PRKN: variants seen among roughly 807,000 people sequenced by gnomAD.
The protein encoded by PRKN is parkin RBR E3 ubiquitin protein ligase, also known as E3 ubiquitin-protein ligase parkin.
A neutral mutation model predicts 59.5 loss-of-function variants in PRKN; 56 were observed. The observed-to-expected ratio is 0.94, with a 90% CI of 0.76 to 1.18. PRKN has a LOEUF of 1.18. Among genes scored for constraint, PRKN ranks in the 50% most tolerant of loss-of-function variants. The pLI is 0.00. For missense variants in PRKN, 657 were observed against 596.4 expected (o/e 1.10, Z -1.06); for synonymous variants, 250 against 222.1 (o/e 1.13, Z -1.12).
intron 1 of PRKN, among the ~76,000 whole-genome samples, chr6:162,521,135 G>GTCATTTCAA (rs1453164194): frequency 6.6e-6 from 1 of 152,046 alleles, no homozygotes; most frequent in Non-Finnish European, 1.5e-5. Context: ...CATTCTCACT[G>GTCATTTCAA]TCATTTCAAT....
rs1305470287 is a variant in PRKN at position 162,300,579 on chromosome 6, T to C, written c.172-37814A>G. On this transcript the variant is annotated intron_variant, in intron 2 of 11. Coordinates refer to ENST00000366898, the MANE Select transcript of PRKN (RefSeq NM_004562.3). The stretch of plus-strand genomic sequence containing the variant: ...ATACTTTTCAAGTTTTCCACATGCA[T>C]CTTTAATAGAGGAGGCCTGGAACCA... 1.3e-5 allele frequency among the ~76,000 whole-genome samples: 2 copies of C among 152,110 alleles called. 1 individual carries two copies. Among genetic ancestry groups the C allele is most frequent in the Non-Finnish European group, 2.9e-5 (2 of 68,030 alleles).
chr6:162,168,694 G>A (rs749562324), intron 4 of PRKN, among the ~76,000 whole-genome samples: 17 of 151,342 alleles, frequency 1.1e-4, no homozygotes, highest in Admixed American at 2.0e-4. Flanking sequence ...AGCATCTCCC[G>A]AGATACTCCA....
rs181109779 is a variant in PRKN at position 162,266,874 on chromosome 6, T to C, written c.172-4109A>G. 4.5e-3 allele frequency among the ~76,000 whole-genome samples: 684 copies of C among 152,316 alleles called. 6 individuals are homozygous for C. Among genetic ancestry groups the C allele is most frequent in the African/African-American group, 0.016 (662 of 41,566 alleles). On this transcript the variant is annotated intron_variant, in intron 2 of 11. Coordinates refer to ENST00000366898, the MANE Select transcript of PRKN (RefSeq NM_004562.3). ...ATGAATAAGGTGTCAGAATTCTGTT[T>C]AGCTGCACACTTCTGTTTGGAAAAT...
At chr6:161,961,190 C>CAA (rs1260984628) in intron 6 of PRKN, among the ~76,000 whole-genome samples, 1 of 152,124 alleles carries the variant, frequency 6.6e-6, no homozygotes, top group Non-Finnish European at 1.5e-5. Flanking sequence ...TGGAACACCA[C>CAA]AAAGTCACTT....
chr6:162,479,252 G>T (rs1344162386), intron 1 of PRKN, among the ~76,000 whole-genome samples: 1 of 150,484 alleles, frequency 6.6e-6, no homozygotes, highest in Admixed American at 6.6e-5. Flanking sequence ...TTGAGACGGT[G>T]TCATGCTCTG....
At chr6:162,274,622 C>G (rs759496399) in intron 2 of PRKN, among the ~76,000 whole-genome samples, 1 of 152,138 alleles carries the variant, frequency 6.6e-6, no homozygotes, top group Admixed American at 6.6e-5. Context: ...ATTTTCTCTT[C>G]AGTTGCTTTT....
intron 2 of PRKN, among the ~76,000 whole-genome samples, chr6:162,337,481 A>G (rs80291424): frequency 0.087 from 13,176 of 152,312 alleles, 1,090 homozygotes; most frequent in East Asian, 0.46. Context: ...ATGTCACTAC[A>G]TTAGCACGTA....
At chr6:161,663,103 A>C (rs1389065921) in intron 7 of PRKN, among the ~76,000 whole-genome samples, 1 of 152,202 alleles carries the variant, frequency 6.6e-6, no homozygotes, top group East Asian at 1.9e-4. Flanking sequence ...GCCATGGAAG[A>C]TGTGACTTTG....
intron 4 of PRKN, among the ~76,000 whole-genome samples, chr6:162,057,627 G>T (rs1777918683): frequency 6.6e-6 from 1 of 152,192 alleles, no homozygotes; most frequent in Admixed American, 6.5e-5. Context: ...AATGCAGTCT[G>T]CTACAATGAA....
intron 1 of PRKN, among the ~76,000 whole-genome samples, chr6:162,636,495 C>A (rs1037783321): frequency 2.0e-5 from 3 of 152,108 alleles, no homozygotes; most frequent in South Asian, 2.1e-4. Context: ...AGGTAACATG[C>A]CTTGTTAAGG....
At position 162,512,206 on chromosome 6, in the gene PRKN, T is replaced by TTA. The variant is rs1777654737; in HGVS notation, c.8-68734_8-68733insTA. 2.0e-5 allele frequency among the ~76,000 whole-genome samples: 3 copies of TTA among 152,222 alleles called. No individual in the cohort carries two copies. In the South Asian group the frequency reaches 6.2e-4, roughly 31 times the overall value. On this transcript the variant is annotated intron_variant, in intron 1 of 11. Transcript: ENST00000366898. ...CAGCTTCTCCTTACTAAAAATGGGT[T>TTA]GTGTCATTTCTTATTACAACAAAAG... is the stretch of plus-strand genomic sequence containing the variant.
At chr6:162,235,958 G>GAAAGAAAGAAAAAGAAAGAAAGAAAGAA (rs1562602229) in intron 3 of PRKN, among the ~76,000 whole-genome samples, 9 of 92,600 alleles carry the variant, frequency 9.7e-5, no homozygotes, top group African/African-American at 3.6e-4. Context: ...AGGAAGAAAG[G>GAAAGAAAGAAAAAGAAAGAAAGAAAGAA]AAGAAAGAAA....
chr6:162,481,291 TATCTGCAGA>T (rs1442411697), intron 1 of PRKN, among the ~76,000 whole-genome samples: 1 of 152,214 alleles, frequency 6.6e-6, no homozygotes, highest in East Asian at 1.9e-4. Context: ...CACAAATTCT[TATCTGCAGA>T]ATCCTCATGT....
rs1213317580 is a variant in PRKN at position 161,518,036 on chromosome 6, C to T, written c.1083+30818G>A. On this transcript the variant is annotated intron_variant, in intron 9 of 11. Transcript: ENST00000366898. The surrounding 1 kb of genome is among the most constrained non-coding windows in gnomAD (Gnocchi z 5.0). ...GGGAGACTGGCAGAAGTTGGCTGCA[C>T]AGTGGCTTCAAGCTGGAGGGAGATT... 6.6e-6 allele frequency among the ~76,000 whole-genome samples: 1 copy of T among 152,166 alleles called. No homozygotes were observed. The highest frequency in any genetic ancestry group is 2.4e-5 in the African/African-American group (1 of 41,438).
intron 1 of PRKN, among the ~76,000 whole-genome samples, chr6:162,575,492 T>C (rs904709451): frequency 2.0e-5 from 3 of 152,190 alleles, no homozygotes; most frequent in African/African-American, 2.4e-5. Context: ...TTCCTCCGTA[T>C]TTTCCCTTGG....
Position 162,498,087 on chromosome 6 carries a change from T to G in PRKN, c.8-54614A>C. 1.3e-5 allele frequency among the ~76,000 whole-genome samples: 2 copies of G among 152,122 alleles called. 1 individual carries two copies. On this transcript the variant is annotated intron_variant, in intron 1 of 11. Coordinates refer to ENST00000366898, the MANE Select transcript of PRKN (RefSeq NM_004562.3). ...AACACCATTTAAATAGAAAACAACA[T>G]AAAAAGAATGTATACATCCTTTACA... is the stretch of plus-strand genomic sequence containing the variant.
chr6:162,117,193 T>C lies in PRKN; in HGVS notation c.535-63019A>G, dbSNP rs146891352. Among the ~76,000 whole-genome samples, 5 of 152,272 alleles carry C rather than the reference T, an allele frequency of 3.3e-5. No homozygotes were observed. The East Asian group carries it at 7.7e-4, about 24-fold the overall frequency. On this transcript the variant is annotated intron_variant, in intron 4 of 11. Coordinates refer to ENST00000366898, the MANE Select transcript of PRKN (RefSeq NM_004562.3). The stretch of plus-strand genomic sequence containing the variant: ...AAGGGAGAGAAAGTGGGGCTTAAAA[T>C]AGATAATGAAGAATGATTTTAAATC...
chr6:161,872,397 T>C (rs887518913), intron 6 of PRKN, among the ~76,000 whole-genome samples: 7 of 152,304 alleles, frequency 4.6e-5, no homozygotes, highest in Non-Finnish European at 7.4e-5. Context: ...TGTAGGACAC[T>C]TGTATTGCTT....
In PRKN at chr6:161,821,439, G is replaced by C. The variant is rs113917636; in HGVS notation, c.735-35531C>G. 7.3e-3 allele frequency among the ~76,000 whole-genome samples: 1,029 copies of C among 140,812 alleles called. 13 individuals carry two copies. Among genetic ancestry groups the C allele is most frequent in the African/African-American group, 0.024 (987 of 40,734 alleles). 92.4% of individuals were successfully genotyped at this position (140,812 alleles called of 152,430 possible). ...TGTGTTTAACCCATCCCAATAAAAG[G>C]GATTTTTTTTTTAATCCAGACTTTC... On this transcript the variant is annotated intron_variant, in intron 6 of 11. Coordinates refer to ENST00000366898, the MANE Select transcript of PRKN (RefSeq NM_004562.3).
Sources: allele counts gnomAD v4.1 joint callset (sites outside exome capture counted in the v4.1 genomes callset), GRCh38; gene constraint gnomAD v4.1.1; non-coding constraint Gnocchi (gnomAD v3.1); transcripts MANE v1.5; gene names NCBI Gene and HGNC (gene_info 2026-07-23, HGNC 2026-07-21).